AGFG1: variants seen among roughly 807,000 people sequenced by gnomAD.
The protein encoded by AGFG1 is ArfGAP with FG repeats 1.
AGFG1 carries 10 observed loss-of-function variants against 60.6 expected under a neutral mutation model. The observed-to-expected ratio is 0.16, with a 90% CI of 0.10 to 0.28. AGFG1 has a LOEUF of 0.28. Among genes scored for constraint, AGFG1 ranks in the 10% least tolerant of loss-of-function variants. The pLI, the probability that AGFG1 is intolerant of heterozygous loss-of-function variation, is 1.00. For synonymous variants in AGFG1, 247 were observed against 242.9 expected, an observed-to-expected ratio of 1.02 and a Z score of -0.16; for missense variants, 537 against 676.5, an observed-to-expected ratio of 0.79 and a Z score of 2.29.
chr2:227,511,745 A>G (rs1442477558), intron 2 of AGFG1, among the ~76,000 whole-genome samples: 1 of 152,224 alleles, frequency 6.6e-6, no homozygotes, highest in Non-Finnish European at 1.5e-5. Flanking sequence ...TCAGGTACCA[A>G]GCATACAAAT....
chr2:227,535,133 G>T, intron 8 of AGFG1, 108 bp downstream of exon 8: 2 of 1,217,412 alleles, frequency 1.6e-6, no homozygotes, highest in Non-Finnish European at 2.2e-6. Context: ...AAAATTCTTG[G>T]ATATTTTTGT....
chr2:227,541,870 A>T (rs942318521), intron 10 of AGFG1, among the ~76,000 whole-genome samples: 1 of 152,026 alleles, frequency 6.6e-6, no homozygotes, highest in Admixed American at 6.5e-5. Flanking sequence ...CTTTTATTTC[A>T]TTGAGCAGTG....
rs1167371624 is a variant in AGFG1, at chr2:227,524,841, T to A, written c.620T>A (p.Ile207Asn). ...FDLLSDLGSD[I>N]FAAPAPQSTA... ...CTTTTAAGTGATCTCGGCTCAGACA[T>A]CTTTGCTGCTCCAGCTCCTCAGTCA... The change falls in exon 5 of 13, where the codon ATC becomes AAC. Residue 207 changes from isoleucine (I) to asparagine (N), a missense_variant. Transcript: ENST00000310078. 2 of 1,614,180 alleles carry A rather than the reference T, an allele frequency of 1.2e-6. No individual in the cohort carries two copies. The highest frequency in any genetic ancestry group is 1.7e-6 in the Non-Finnish European group (2 of 1,180,004).
At chr2:227,497,788 A>T (rs1691029280) in intron 2 of AGFG1, among the ~76,000 whole-genome samples, 1 of 113,336 alleles carries the variant, frequency 8.8e-6, no homozygotes, top group Non-Finnish European at 1.6e-5. Context: ...TCTGTCGCCT[A>T]GGCTGGAGTG....
chr2:227,472,517 C>T lies in AGFG1; in HGVS notation c.96C>T (p.Cys32=), dbSNP rs551997728. The change falls in exon 1 of 13, where the codon TGC becomes TGT. Residue 32 remains cysteine (C), a synonymous_variant. Coordinates refer to ENST00000310078, the MANE Select transcript of AGFG1 (RefSeq NM_004504.5). The part of the protein sequence containing the change: ...GLPHNRKCFD[C]DQRGPTYVNM... ...CGCACAACCGAAAGTGCTTCGACTG[C>T]GACCAGCGCGGCCCCACCTACGTTA... The T allele has an allele frequency of 7.0e-6, 11 of 1,582,222 alleles. No homozygotes were observed. In the East Asian group the frequency reaches 2.2e-4, roughly 32 times the overall value.
chr2:227,519,280 C>T (rs75465708), intron 2 of AGFG1, among the ~76,000 whole-genome samples: 3 of 152,296 alleles, frequency 2.0e-5, no homozygotes, highest in East Asian at 1.9e-4. Flanking sequence ...TACTTTTGAT[C>T]AGTTGGTGTC....
chr2:227,529,726 C>G (rs947649759), intron 5 of AGFG1, among the ~76,000 whole-genome samples: 12 of 152,044 alleles, frequency 7.9e-5, no homozygotes, highest in African/African-American at 2.9e-4. Flanking sequence ...TTGTCACATT[C>G]TATACTGTAG....
chr2:227,536,074 G>C (rs1366059750), intron 8 of AGFG1, among the ~76,000 whole-genome samples: 1 of 151,862 alleles, frequency 6.6e-6, no homozygotes, highest in African/African-American at 2.4e-5. Flanking sequence ...CAACGTGCAG[G>C]TTTGTTACAT....
intron 2 of AGFG1, among the ~76,000 whole-genome samples, chr2:227,502,124 C>T (rs1024806341): frequency 3.9e-5 from 6 of 152,114 alleles, no homozygotes; most frequent in Non-Finnish European, 5.9e-5. Context: ...TCCCAAAGTG[C>T]GAGGATTACA....
chr2:227,506,482 A>G (rs181557657), intron 2 of AGFG1, among the ~76,000 whole-genome samples: 128 of 143,596 alleles, frequency 8.9e-4, no homozygotes, highest in Admixed American at 2.9e-3. Context: ...GTCTTCTTGT[A>G]CTTTAAGCTT....
chr2:227,493,857 A>C (rs1265523031), intron 2 of AGFG1, among the ~76,000 whole-genome samples: 2 of 152,186 alleles, frequency 1.3e-5, no homozygotes, highest in African/African-American at 4.8e-5. Context: ...GGAAAAAGGG[A>C]ATCAGTATTT....
At chr2:227,528,974 T>G (rs1692077839) in intron 5 of AGFG1, among the ~76,000 whole-genome samples, 1 of 152,324 alleles carries the variant, frequency 6.6e-6, no homozygotes, top group Middle Eastern at 3.4e-3. Context: ...ACATGTAGGC[T>G]GTGAGTCAGG....
Position 227,473,480 on chromosome 2 carries a change from A to C in AGFG1, c.167+892A>C, listed in dbSNP as rs774165680. Among the ~76,000 whole-genome samples the C allele has an allele frequency of 1.2e-4, 18 of 152,194 alleles. 1 individual carries two copies. Among genetic ancestry groups the C allele is most frequent in the Non-Finnish European group, 1.8e-4 (12 of 68,038 alleles). The stretch of plus-strand genomic sequence containing the variant: ...CAGAAATGAGGAGAGCTAGCAAGTC[A>C]CCATGATTTCAGAAAGACACTACCG... On this transcript the variant is annotated intron_variant, in intron 1 of 12. Coordinates refer to ENST00000310078, the MANE Select transcript of AGFG1 (RefSeq NM_004504.5).
At chr2:227,534,802 T>C in intron 7 of AGFG1, 43 bp from the exon 8 acceptor site, 1 of 1,599,996 alleles carries the variant, frequency 6.3e-7, no homozygotes, top group East Asian at 2.2e-5. Flanking sequence ...GTTGAAAGTG[T>C]AACTTTAAAT....
At chr2:227,523,980 C>T in intron 4 of AGFG1, 55 bp downstream of exon 4, 1 of 1,508,672 alleles carries the variant, frequency 6.6e-7, no homozygotes. Flanking sequence ...GCTTGAGTAT[C>T]AAGAATTTGA....
Position 227,552,034 on chromosome 2 carries a change from G to T in AGFG1, c.1454G>T (p.Ser485Ile). Residue 485 changes from serine (S) to isoleucine (I), a missense_variant, in exon 11 of 13, where the codon AGC becomes ATC. Physicochemically the swap from Ser to Ile is moderately radical, Grantham distance 142. Around this residue, in one of 4 missense-constraint regions of AGFG1, gnomAD observed 287 missense variants for 343.6 expected, o/e 0.84. Coordinates refer to ENST00000310078, the MANE Select transcript of AGFG1 (RefSeq NM_004504.5). ...CCTGCTCCCTACAGTCTTCCCACCA[G>T]CTTTAGTGGCAGCTTTCAGCAGCCT... ...GTPAPYSLPT[S>I]FSGSFQQPAF... 6.2e-7 allele frequency: 1 copy of T among 1,614,150 alleles called. No homozygotes were observed. Among genetic ancestry groups the T allele is most frequent in the Non-Finnish European group, 8.5e-7 (1 of 1,180,034 alleles).
intron 1 of AGFG1, among the ~76,000 whole-genome samples, chr2:227,476,937 C>T (rs1002277556): frequency 2.0e-5 from 3 of 148,110 alleles, no homozygotes; most frequent in Non-Finnish European, 4.4e-5. Context: ...AGTCTCACTC[C>T]GTCACCCAGG....
At chr2:227,527,063 C>T (rs1476903883) in intron 5 of AGFG1, among the ~76,000 whole-genome samples, 2 of 152,094 alleles carry the variant, frequency 1.3e-5, no homozygotes, top group African/African-American at 4.8e-5. Context: ...GATTTGGTCA[C>T]TTGTATCTCT....
At chr2:227,484,699 T>G (rs1021550022) in intron 1 of AGFG1, among the ~76,000 whole-genome samples, 816 of 16,002 alleles carry the variant, frequency 0.051, 5 homozygotes, top group Non-Finnish European at 0.08. Flanking sequence ...TTTTTTTTTT[T>G]TTTTTTTTTT....
Sources: gnomAD v4.1 joint callset for allele counts (sites outside exome capture counted in the v4.1 genomes callset) on GRCh38, gnomAD v4.1.1 for gene constraint, gnomAD v4.1.1 regional missense constraint, MANE v1.5 for transcripts, NCBI Gene and HGNC (gene_info 2026-07-23, HGNC 2026-07-21) for gene names.